ABCB4: variants seen among roughly 807,000 people sequenced by gnomAD.
ABCB4 encodes phosphatidylcholine translocator ABCB4.
In ABCB4, 76 loss-of-function variants were observed where a neutral mutation model predicts 145.7. The observed-to-expected ratio is 0.52, with a 90% CI of 0.43 to 0.63. The LOEUF (loss-of-function observed/expected upper bound fraction) is 0.63. ABCB4 is among the 30% of genes least tolerant of loss of function. The pLI, the probability that ABCB4 is intolerant of heterozygous loss-of-function variation, is 0.00. For synonymous variants in ABCB4, 517 were observed against 566.8 expected, an observed-to-expected ratio of 0.91 and a Z score of 1.25; for missense variants, 1,234 against 1,553.1, an observed-to-expected ratio of 0.79 and a Z score of 3.45.
chr7:87,391,677 A>C, the ABCB4 span: 1 of 1,611,086 alleles, frequency 6.2e-7, no homozygotes, highest in Non-Finnish European at 8.5e-7. Flanking sequence ...TGAAGCAGTG[A>C]GGTGGTGCCA....
At chr7:87,474,615 T>C (rs1022375997) in intron 2 of ABCB4, among the ~76,000 whole-genome samples, 1 of 152,148 alleles carries the variant, frequency 6.6e-6, no homozygotes, top group Non-Finnish European at 1.5e-5. Context: ...TCAGAGACCG[T>C]AATAGCCTCA....
intron 4 of ABCB4, among the ~76,000 whole-genome samples, chr7:87,457,464 C>T (rs1230998722): frequency 6.6e-6 from 1 of 152,198 alleles, no homozygotes; most frequent in African/African-American, 2.4e-5. Context: ...AGAACTTACA[C>T]CCCAGTCCAC....
chr7:87,467,307 C>T (rs111409688), intron 3 of ABCB4, among the ~76,000 whole-genome samples: 33,405 of 151,984 alleles, frequency 0.22, 3,927 homozygotes, highest in African/African-American at 0.3. Context: ...CAAAGAAGGC[C>T]ATTACATAAT....
At chr7:87,442,857 T>C (rs1562978526) in intron 12 of ABCB4, among the ~76,000 whole-genome samples, 1 of 152,180 alleles carries the variant, frequency 6.6e-6, no homozygotes, top group African/African-American at 2.4e-5. Context: ...AGAGACTAGT[T>C]TCTTAAGAGA....
At chr7:87,452,857 A>G (rs1811839397) in intron 6 of ABCB4, 87 bp downstream of exon 6, 1 of 1,444,842 alleles carries the variant, frequency 6.9e-7, no homozygotes, top group South Asian at 1.2e-5. Flanking sequence ...CAATCTAGTA[A>G]CATTTTTCAT....
intron 4 of ABCB4, among the ~76,000 whole-genome samples, chr7:87,458,843 T>C (rs1314119302): frequency 2.0e-5 from 3 of 152,080 alleles, no homozygotes; most frequent in Non-Finnish European, 4.4e-5. Flanking sequence ...CAAAACAAAG[T>C]TGGCAACTCT....
intron 4 of ABCB4, among the ~76,000 whole-genome samples, chr7:87,457,266 C>T (rs547979829): frequency 1.1e-4 from 17 of 152,090 alleles, no homozygotes; most frequent in Non-Finnish European, 1.0e-4. Flanking sequence ...AAAAGTTGGC[C>T]GGGCATGGTG....
intron 12 of ABCB4, among the ~76,000 whole-genome samples, chr7:87,441,991 T>G (rs1239034771): frequency 6.6e-6 from 1 of 152,220 alleles, no homozygotes; most frequent in East Asian, 1.9e-4. Context: ...CTGGGCATTT[T>G]TTTCTATTAT....
At chr7:87,398,782 A>G, downstream of ABCB4, 1 of 770,440 alleles carries the variant, frequency 1.3e-6, no homozygotes, top group African/African-American at 1.8e-5. Flanking sequence ...TTAAATGTAG[A>G]AATTAGTAGA....
At chr7:87,417,660 G>A in intron 20 of ABCB4, 145 bp from the exon 21 acceptor site, 2 of 724,176 alleles carry the variant, frequency 2.8e-6, no homozygotes, top group Admixed American at 4.0e-5. Flanking sequence ...CACAACACCT[G>A]TGCTTAACTC....
Position 87,401,954 on chromosome 7 carries a change from C to A in ABCB4, c.*142G>T. 8.5e-7 allele frequency: 1 copy of A among 1,179,886 alleles called. No homozygotes were observed. Among genetic ancestry groups the A allele is most frequent in the Non-Finnish European group, 1.2e-6 (1 of 816,984 alleles). The allele number at this position is 1,179,886 out of a possible 1,614,324, so 73.1% of individuals were successfully genotyped here. ...TCAAATTTCAAATGCCGTAATAAAC[C>A]CCAAATTGGGTCTTCTAAATTGATC... On this transcript the variant is annotated 3_prime_UTR_variant, in exon 28 of 28. Transcript: ENST00000649586.
intron 3 of ABCB4, among the ~76,000 whole-genome samples, chr7:87,465,397 C>G (rs954772780): frequency 2.0e-5 from 3 of 152,196 alleles, no homozygotes; most frequent in African/African-American, 7.2e-5. Flanking sequence ...AGTAGGTAAA[C>G]AAAGCGGCCA....
intron 17 of ABCB4, chr7:87,423,669 AG>A: frequency 3.8e-6 from 2 of 527,792 alleles, no homozygotes; most frequent in East Asian, 6.9e-5. Context: ...AGAGCTCATT[AG>A]AATGCCTTCT....
intron 25 of ABCB4, among the ~76,000 whole-genome samples, chr7:87,407,546 G>T (rs1318001574): frequency 6.6e-6 from 1 of 152,186 alleles, no homozygotes; most frequent in Non-Finnish European, 1.5e-5. Flanking sequence ...GAGCCACGGG[G>T]CTACATGCTA....
the ABCB4 span, among the ~76,000 whole-genome samples, chr7:87,387,731 C>G: frequency 2.0e-5 from 3 of 152,146 alleles, no homozygotes; most frequent in South Asian, 6.2e-4. Context: ...GCAGGCAGAT[C>G]ACTTGAGGTC....
At chr7:87,417,864 C>A (rs1429712611) in intron 20 of ABCB4, among the ~76,000 whole-genome samples, 2 of 152,180 alleles carry the variant, frequency 1.3e-5, no homozygotes, top group African/African-American at 2.4e-5. Flanking sequence ...ATTTTAAAGA[C>A]CATTTAATTC....
rs45585235 is a variant in ABCB4, at chr7:87,440,126, C to T, written c.1560+73G>A. On this transcript the variant is annotated intron_variant, in intron 13 of 27. Coordinates refer to ENST00000649586, the MANE Select transcript of ABCB4 (RefSeq NM_000443.4). ...GCATCTCAAACATTATTAGCTAAACCTTTGAAGAATAAACTCAGTCCTATG... is the reference window on the plus strand; with the variant it reads ...GCATCTCAAACATTATTAGCTAAACTTTTGAAGAATAAACTCAGTCCTATG... 24 of 1,501,568 alleles carry T rather than the reference C, an allele frequency of 1.6e-5. No homozygotes were observed. In the East Asian group the frequency reaches 5.0e-4, roughly 31 times the overall value. The allele number at this position is 1,501,568 out of a possible 1,614,324, so 93.0% of individuals were successfully genotyped here.
the ABCB4 span, among the ~76,000 whole-genome samples, chr7:87,382,881 T>C: frequency 3.9e-5 from 6 of 152,236 alleles, no homozygotes; most frequent in African/African-American, 1.4e-4. Context: ...TTATAAATTA[T>C]CCAGCCTTTA....
chr7:87,417,452 T>C lies in ABCB4; in HGVS notation c.2542A>G (p.Ile848Val), dbSNP rs865819990. ...NIANLGTGIIISFIYGWQLTL... is the reference protein window; with the variant it reads ...NIANLGTGIIVSFIYGWQLTL... ...AACTGCCAACCGTAGATAAATGATA[T>C]GATAATACCAGTTCCAAGGTTAGCT... The change falls in exon 21 of 28, where the codon ATA (isoleucine) becomes GTA (valine). Residue 848 changes from isoleucine (I) to valine (V), a missense_variant. Ile to Val is a conservative substitution (Grantham distance 29, BLOSUM62 3). Around this residue, in one of 7 missense-constraint regions of ABCB4, gnomAD observed 321 missense variants for 332.6 expected, o/e 0.97. Coordinates refer to ENST00000649586, the MANE Select transcript of ABCB4 (RefSeq NM_000443.4). 4 of 1,614,166 alleles carry C rather than the reference T, an allele frequency of 2.5e-6. No individual in the cohort carries two copies. The highest frequency in any genetic ancestry group is 3.4e-6 in the Non-Finnish European group (4 of 1,180,014).
Sources: gnomAD v4.1 joint callset for allele counts (sites outside exome capture counted in the v4.1 genomes callset) on GRCh38, gnomAD v4.1.1 for gene constraint, gnomAD v4.1.1 regional missense constraint, MANE v1.5 for transcripts, NCBI Gene and HGNC (gene_info 2026-07-23, HGNC 2026-07-21) for gene names.